Variants in FRMD4A observed in about 807,000 individuals in gnomAD.
FRMD4A encodes the protein FERM domain containing 4A, also known as FERM domain-containing protein 4A.
FRMD4A carries 29 observed loss-of-function variants against 129.1 expected under a neutral mutation model. That is an observed-to-expected ratio of 0.22 (90% CI 0.17 to 0.31). The LOEUF is 0.31. Ranked by LOEUF, FRMD4A falls within the 10% of genes least tolerant of loss-of-function variation. The pLI, the probability that FRMD4A is intolerant of heterozygous loss-of-function variation, is 1.00. For missense variants in FRMD4A, 1,272 were observed against 1,375.8 expected (o/e 0.92, Z 1.19); for synonymous variants, 634 against 571.6 (o/e 1.11, Z -1.56).
intron 2 of FRMD4A, among the ~76,000 whole-genome samples, chr10:14,184,653 G>A (rs17327001): frequency 0.24 from 37,102 of 151,912 alleles, 4,827 homozygotes; most frequent in Admixed American, 0.31. Flanking sequence ...AGAAGCACAC[G>A]TCCAGGCCGG....
At chr10:13,806,601 A>G (rs1282695225) in intron 4 of FRMD4A, among the ~76,000 whole-genome samples, 1 of 152,188 alleles carries the variant, frequency 6.6e-6, no homozygotes, top group Non-Finnish European at 1.5e-5. Flanking sequence ...GAGAGAGCAC[A>G]GGAAATACTG....
At chr10:13,700,622 A>G (rs893928200) in intron 14 of FRMD4A, among the ~76,000 whole-genome samples, 1 of 151,930 alleles carries the variant, frequency 6.6e-6, no homozygotes, top group Non-Finnish European at 1.5e-5. Context: ...CTGACAGGGG[A>G]GTCTGGGGAG....
intron 11 of FRMD4A, 42 bp from the exon 12 acceptor site, chr10:13,737,972 G>T: frequency 9.2e-7 from 1 of 1,086,642 alleles, no homozygotes; most frequent in Non-Finnish European, 1.4e-6. Context: ...GGGACTGGAG[G>T]AAGTAAACAC....
At chr10:13,792,743 T>G (rs2093031335) in intron 5 of FRMD4A, among the ~76,000 whole-genome samples, 1 of 152,184 alleles carries the variant, frequency 6.6e-6, no homozygotes, top group Admixed American at 6.5e-5. Flanking sequence ...GGATCATTCC[T>G]GGTGATTTGC....
intron 2 of FRMD4A, among the ~76,000 whole-genome samples, chr10:13,949,239 G>A (rs969557685): frequency 2.1e-5 from 3 of 141,276 alleles, no homozygotes; most frequent in African/African-American, 8.0e-5. Context: ...GGTGAAAGAC[G>A]TTGTTGGCCC....
intron 12 of FRMD4A, among the ~76,000 whole-genome samples, chr10:13,710,212 C>T (rs760520653): frequency 5.3e-5 from 8 of 152,156 alleles, no homozygotes; most frequent in South Asian, 2.1e-4. Flanking sequence ...GGTGTGAGCA[C>T]GCTTGAGAAA....
chr10:14,008,878 T>A (rs2095671576), intron 2 of FRMD4A, among the ~76,000 whole-genome samples: 3 of 152,204 alleles, frequency 2.0e-5, no homozygotes, highest in Admixed American at 2.0e-4. Context: ...TCACTGTATA[T>A]GTGAATACAG....
rs4750503 is a variant in FRMD4A at position 14,280,156 on chromosome 10, A to G, written c.45+49902T>C. Among the ~76,000 whole-genome samples, 1,185 of 152,288 alleles carry G rather than the reference A, an allele frequency of 7.8e-3. 9 individuals carry two copies. The highest frequency in any genetic ancestry group is 0.012 in the Admixed American group (182 of 15,296). Reference sequence around the variant, plus strand: ...TTTTAGGGACGATGCTGGCCAAGGCAGGACAGTGCGATGTGGTGGTGGAGC... The same window carrying G: ...TTTTAGGGACGATGCTGGCCAAGGCGGGACAGTGCGATGTGGTGGTGGAGC... On this transcript the variant is annotated intron_variant, in intron 2 of 24. Transcript: ENST00000357447.
chr10:14,199,282 T>TTTA (rs200996539), intron 2 of FRMD4A, among the ~76,000 whole-genome samples: 7 of 130,984 alleles, frequency 5.3e-5, no homozygotes, highest in Non-Finnish European at 8.2e-5. Context: ...AAGTGTCTTA[T>TTTA]TTTATTTATT....
intron 5 of FRMD4A, 21 bp from the exon 6 acceptor site, chr10:13,783,027 G>C (rs145919842): frequency 2.2e-6 from 2 of 908,296 alleles, no homozygotes; most frequent in Non-Finnish European, 3.7e-6. Context: ...AAAATGGTGC[G>C]TGAACCACAG....
intron 2 of FRMD4A, among the ~76,000 whole-genome samples, chr10:14,091,243 G>GTGCATC (rs1836643322): frequency 1.3e-5 from 2 of 151,968 alleles, no homozygotes; most frequent in Non-Finnish European, 2.9e-5. Context: ...TTGTGTGTCT[G>GTGCATC]TGCATCTGTA....
intron 2 of FRMD4A, among the ~76,000 whole-genome samples, chr10:14,002,869 C>T (rs1008014803): frequency 2.6e-5 from 4 of 152,100 alleles, no homozygotes; most frequent in East Asian, 1.9e-4. Flanking sequence ...TGAAAACACA[C>T]GCAAAGTTCC....
chr10:14,247,599 T>G (rs1345930115), intron 2 of FRMD4A, among the ~76,000 whole-genome samples: 1 of 152,184 alleles, frequency 6.6e-6, no homozygotes, highest in Non-Finnish European at 1.5e-5. Context: ...AAGATCCATA[T>G]GTCAAAACCT....
At chr10:14,253,898 G>A (rs752064372) in intron 2 of FRMD4A, among the ~76,000 whole-genome samples, 10 of 151,762 alleles carry the variant, frequency 6.6e-5, no homozygotes, top group Non-Finnish European at 1.2e-4. Context: ...TGGGTCAGTT[G>A]TGCAAATGCC....
chr10:14,278,943 G>GCCTCCCTTTCCCTTTAGTGCTTTGTTT (rs1319611495), intron 2 of FRMD4A, among the ~76,000 whole-genome samples: 6 of 152,154 alleles, frequency 3.9e-5, no homozygotes, highest in African/African-American at 1.4e-4. Context: ...GGTTGTAACT[G>GCCTCCCTTTCCCTTTAGTGCTTTGTTT]CCTCCCTTTC....
chr10:14,000,505 G>A (rs1396479999), intron 2 of FRMD4A, among the ~76,000 whole-genome samples: 1 of 151,752 alleles, frequency 6.6e-6, no homozygotes, highest in Admixed American at 6.6e-5. Flanking sequence ...AAATTAGCCA[G>A]GCATGGTGAT....
intron 12 of FRMD4A, 33 bp from the exon 13 acceptor site, chr10:13,707,146 G>A (rs988942352): frequency 3.2e-6 from 4 of 1,239,556 alleles, no homozygotes; most frequent in African/African-American, 3.0e-5. Flanking sequence ...TAAAACTCAG[G>A]AGGGGCTGGC....
intron 2 of FRMD4A, among the ~76,000 whole-genome samples, chr10:14,307,266 C>T (rs1200563704): frequency 6.6e-6 from 1 of 152,184 alleles, no homozygotes; most frequent in Non-Finnish European, 1.5e-5. Flanking sequence ...AGAAGAAAAT[C>T]GGCACTGCAG....
intron 2 of FRMD4A, among the ~76,000 whole-genome samples, chr10:14,285,175 G>A (rs1218370): frequency 1.9e-4 from 29 of 152,126 alleles, no homozygotes; most frequent in African/African-American, 4.1e-4. Flanking sequence ...AAGTGACACC[G>A]CTTCCCAGCG....
Sources: gnomAD v4.1 joint callset for allele counts (sites outside exome capture counted in the v4.1 genomes callset) on GRCh38, gnomAD v4.1.1 for gene constraint, MANE v1.5 for transcripts, NCBI Gene and HGNC (gene_info 2026-07-23, HGNC 2026-07-21) for gene names.